GNAO1: variants seen among roughly 807,000 people sequenced by gnomAD.
GNAO1 encodes the protein guanine nucleotide-binding protein G(o) subunit alpha.
For synonymous variants in GNAO1, 164 were observed against 180.7 expected, an observed-to-expected ratio of 0.91 and a Z score of 0.74; for missense variants, 166 against 478.7, an observed-to-expected ratio of 0.35 and a Z score of 6.10.
At chr16:56,249,480 C>G (rs1567454599) in intron 2 of GNAO1, among the ~76,000 whole-genome samples, 2 of 152,020 alleles carry the variant, frequency 1.3e-5, no homozygotes, top group Admixed American at 6.5e-5. Flanking sequence ...GAGAGGAGTG[C>G]TGGGGAGGAG....
chr16:56,345,567 G>A, intron 6 of GNAO1: 1 of 985,476 alleles, frequency 1.0e-6, no homozygotes, highest in Non-Finnish European at 1.2e-6. Context: ...CCGGTGCCTG[G>A]GGAGCCTCTG....
chr16:56,245,234 G>A (rs1273887792), intron 2 of GNAO1, among the ~76,000 whole-genome samples: 1 of 152,154 alleles, frequency 6.6e-6, no homozygotes, highest in Non-Finnish European at 1.5e-5. Flanking sequence ...GATGATCAGG[G>A]CAATTTATCC....
In GNAO1 at chr16:56,293,333, G is replaced by A. The variant is rs2037250432; in HGVS notation, c.303+17261G>A. On this transcript the variant is annotated intron_variant, in intron 3 of 8. Transcript: ENST00000262493. Reference sequence around the variant, plus strand: ...TGGCTGTTTTCTGCTCCTCACTTGGGCCCAGCTGAGCAGTTCAACAGCTTT... The same window carrying A: ...TGGCTGTTTTCTGCTCCTCACTTGGACCCAGCTGAGCAGTTCAACAGCTTT... Among the ~76,000 whole-genome samples the A allele has an allele frequency of 2.0e-5, 3 of 152,218 alleles. No individual in the cohort carries two copies. In the South Asian group the frequency reaches 6.2e-4, roughly 32 times the overall value.
At chr16:56,327,426 G>C (rs977281402) in intron 3 of GNAO1, among the ~76,000 whole-genome samples, 2 of 152,096 alleles carry the variant, frequency 1.3e-5, no homozygotes, top group African/African-American at 4.8e-5. Flanking sequence ...AAAGGGTGTG[G>C]GCAGAGGAGG....
At chr16:56,298,613 T>TA (rs559165130) in intron 3 of GNAO1, among the ~76,000 whole-genome samples, 67 of 152,198 alleles carry the variant, frequency 4.4e-4, no homozygotes, top group African/African-American at 1.6e-3. Context: ...TAACTTTTTT[T>TA]AAAAAATGAG....
chr16:56,265,124 G>C (rs539246465), intron 2 of GNAO1, among the ~76,000 whole-genome samples: 1 of 152,306 alleles, frequency 6.6e-6, no homozygotes, highest in South Asian at 2.1e-4. Context: ...CCCCCAGCCC[G>C]AGCAGCTGAA....
chr16:56,335,008 T>A, intron 5 of GNAO1, 151 bp downstream of exon 5: 1 of 744,838 alleles, frequency 1.3e-6, no homozygotes, highest in Non-Finnish European at 2.2e-6. Flanking sequence ...AAGGAACCTG[T>A]CTGTGTTTCT....
chr16:56,337,998 T>G (rs2037759772), intron 6 of GNAO1, among the ~76,000 whole-genome samples: 1 of 152,196 alleles, frequency 6.6e-6, no homozygotes, highest in African/African-American at 2.4e-5. Context: ...AGGTGGGGCT[T>G]GTTGTCATGC....
At chr16:56,285,034 T>A (rs74918983) in intron 3 of GNAO1, among the ~76,000 whole-genome samples, 4,562 of 152,336 alleles carry the variant, frequency 0.03, 171 homozygotes, top group African/African-American at 0.073. Flanking sequence ...AGCCTTCATC[T>A]GGCCTGGCCT....
chr16:56,301,999 C>T (rs2037349991), intron 3 of GNAO1: 1 of 142,526 alleles, frequency 7.0e-6, no homozygotes, highest in South Asian at 2.3e-4. Context: ...GCTCTGAACG[C>T]CCCCGCCCAG....
At position 56,351,006 on chromosome 16, in the gene GNAO1, G is replaced by C. The variant is rs2037916041; in HGVS notation, c.724-378G>C. ...GCACACATGCACACGAACACACACA[G>C]GCACACATAACAGGTGCATGCACAC... On this transcript the variant is annotated intron_variant, in intron 6 of 8. Coordinates refer to ENST00000262493, the MANE Select transcript of GNAO1 (RefSeq NM_020988.3). This position sits in a 1 kb window ranked among gnomAD's most constrained non-coding sequence, Gnocchi z 6.1. Among the ~76,000 whole-genome samples the C allele has an allele frequency of 6.6e-6, 1 of 151,610 alleles. No homozygotes were observed. The highest frequency in any genetic ancestry group is 2.4e-5 in the African/African-American group (1 of 41,168).
chr16:56,232,918 A>C (rs927787941), intron 2 of GNAO1, among the ~76,000 whole-genome samples: 5 of 152,202 alleles, frequency 3.3e-5, no homozygotes, highest in African/African-American at 1.2e-4. Flanking sequence ...CCTATAGGCC[A>C]TTTCCATTTT....
intron 4 of GNAO1, among the ~76,000 whole-genome samples, chr16:56,329,784 G>A (rs2037670894): frequency 6.6e-6 from 1 of 152,144 alleles, no homozygotes; most frequent in African/African-American, 2.4e-5. Flanking sequence ...GTCTCAGCTG[G>A]GGCCTTTTTG....
At chr16:56,244,228 C>G (rs1248084337) in intron 2 of GNAO1, among the ~76,000 whole-genome samples, 1 of 152,184 alleles carries the variant, frequency 6.6e-6, no homozygotes, top group Non-Finnish European at 1.5e-5. Context: ...CTAATTCGCT[C>G]TGAGACTTCA....
intron 2 of GNAO1, among the ~76,000 whole-genome samples, chr16:56,266,845 C>G (rs559025929): frequency 1.3e-5 from 2 of 152,094 alleles, no homozygotes; most frequent in Admixed American, 6.5e-5. Flanking sequence ...ACTCTTAACA[C>G]GTGCTCAGTA....
chr16:56,217,984 G>A (rs1429858057), intron 2 of GNAO1, among the ~76,000 whole-genome samples: 5 of 152,206 alleles, frequency 3.3e-5, no homozygotes, highest in Non-Finnish European at 7.3e-5. Flanking sequence ...GAGGAAAGAG[G>A]CATTTGTTCA....
intron 3 of GNAO1, among the ~76,000 whole-genome samples, chr16:56,292,124 C>T (rs1394336481): frequency 6.6e-6 from 1 of 152,220 alleles, no homozygotes; most frequent in African/African-American, 2.4e-5. Flanking sequence ...CCAGCAGGCT[C>T]TTTCCTAGCA....
chr16:56,220,281 C>T (rs1290751120), intron 2 of GNAO1, among the ~76,000 whole-genome samples: 5 of 152,192 alleles, frequency 3.3e-5, no homozygotes, highest in Admixed American at 6.5e-5. Context: ...TTTCCTCCCA[C>T]GTATGCTGTT....
At chr16:56,305,715 G>A (rs763100470) in intron 3 of GNAO1, among the ~76,000 whole-genome samples, 11 of 152,160 alleles carry the variant, frequency 7.2e-5, no homozygotes, top group Admixed American at 1.3e-4. Flanking sequence ...TCCCAGGGCC[G>A]TCATAACAAA....
Sources: gnomAD v4.1 joint callset for allele counts (sites outside exome capture counted in the v4.1 genomes callset) on GRCh38, gnomAD v4.1.1 for gene constraint, Gnocchi (gnomAD v3.1) non-coding constraint, MANE v1.5 for transcripts, NCBI Gene and HGNC (gene_info 2026-07-23, HGNC 2026-07-21) for gene names.